Variants in SYNPR observed in about 807,000 individuals in gnomAD.
The protein encoded by SYNPR is synaptoporin.
Under a neutral mutation model 32.9 loss-of-function variants are expected in SYNPR, and 23 were observed. The observed-to-expected ratio is 0.70, with a 90% CI of 0.50 to 0.99. The LOEUF is 0.99. Ranked by LOEUF, SYNPR falls within the 50% of genes least tolerant of loss-of-function variation. The pLI is 0.00. For missense variants in SYNPR, 318 were observed against 349.3 expected (o/e 0.91, Z 0.71); for synonymous variants, 146 against 135.9 (o/e 1.07, Z -0.52).
At chr3:63,240,072 C>T (rs2086229958) in intron 1 of SYNPR, among the ~76,000 whole-genome samples, 1 of 152,138 alleles carries the variant, frequency 6.6e-6, no homozygotes, top group Non-Finnish European at 1.5e-5. Context: ...ATTTGATCTA[C>T]TGCATCCCTT....
the SYNPR span, among the ~76,000 whole-genome samples, chr3:63,206,038 A>G: frequency 2.0e-5 from 3 of 152,180 alleles, no homozygotes; most frequent in African/African-American, 7.2e-5. Flanking sequence ...TCCCCTCTAT[A>G]GAAGACCCTC....
chr3:63,324,430 G>C (rs1266865177), intron 2 of SYNPR, among the ~76,000 whole-genome samples: 1 of 152,108 alleles, frequency 6.6e-6, no homozygotes, highest in Non-Finnish European at 1.5e-5. Flanking sequence ...AAGTTTGTGA[G>C]CTGGGAGGTG....
Position 63,438,157 on chromosome 3 carries a change from C to T in SYNPR, c.85-42675C>T, listed in dbSNP as rs115381505. 9.2e-3 allele frequency among the ~76,000 whole-genome samples: 1,404 copies of T among 152,306 alleles called. 32 individuals carry two copies. The highest frequency in any genetic ancestry group is 0.032 in the African/African-American group (1,334 of 41,562). On this transcript the variant is annotated intron_variant, in intron 2 of 5. Transcript: ENST00000478300. ...TGTGTCTTTGAAGAGCTTAGACTCA[C>T]GGTCTTCAGAAAATATGTCTTGCAC...
chr3:63,442,164 A>AGTGTGTGT (rs34163380), intron 2 of SYNPR, among the ~76,000 whole-genome samples: 18,534 of 148,266 alleles, frequency 0.13, 1,246 homozygotes, highest in Middle Eastern at 0.17. Flanking sequence ...TGGTAGTGAT[A>AGTGTGTGT]GTGTGTGTGT....
At chr3:63,264,587 C>G (rs2056332527) in intron 2 of SYNPR, among the ~76,000 whole-genome samples, 1 of 152,066 alleles carries the variant, frequency 6.6e-6, no homozygotes, top group African/African-American at 2.4e-5. Context: ...TTCAATAGGG[C>G]CTAATATTTT....
chr3:63,612,920 CT>C (rs1187760076), intron 5 of SYNPR, among the ~76,000 whole-genome samples: 5 of 133,188 alleles, frequency 3.8e-5, no homozygotes, highest in Non-Finnish European at 6.5e-5. Context: ...CTCCTCTCTT[CT>C]CTTCTCCTCT....
At chr3:63,467,171 G>A (rs1044078103) in intron 2 of SYNPR, among the ~76,000 whole-genome samples, 3 of 151,950 alleles carry the variant, frequency 2.0e-5, no homozygotes, top group Non-Finnish European at 4.4e-5. Context: ...CCACCCAGCT[G>A]AGCTAACTTA....
At chr3:63,410,927 A>C (rs2887097) in intron 2 of SYNPR, among the ~76,000 whole-genome samples, 70,830 of 151,996 alleles carry the variant, frequency 0.47, 16,628 homozygotes, top group Middle Eastern at 0.6. Context: ...AGGGCAGCAG[A>C]ATTCATCTTG....
intron 4 of SYNPR, among the ~76,000 whole-genome samples, chr3:63,560,810 A>T (rs1051014949): frequency 1.3e-5 from 2 of 152,082 alleles, no homozygotes; most frequent in African/African-American, 4.8e-5. Flanking sequence ...CAGGGGGGGA[A>T]CCACCCCCAT....
chr3:63,481,668 A>G (rs1182291892), intron 3 of SYNPR, among the ~76,000 whole-genome samples: 3 of 152,184 alleles, frequency 2.0e-5, no homozygotes, highest in Non-Finnish European at 4.4e-5. Context: ...GCTCAGAAAT[A>G]TTAAGCACGT....
chr3:63,606,238 G>C (rs1700117094), intron 4 of SYNPR, among the ~76,000 whole-genome samples: 1 of 151,996 alleles, frequency 6.6e-6, no homozygotes, highest in Non-Finnish European at 1.5e-5. Flanking sequence ...GAGAAACTTA[G>C]TTATATTACT....
chr3:63,211,534 G>A, the SYNPR span, among the ~76,000 whole-genome samples: 2 of 152,122 alleles, frequency 1.3e-5, no homozygotes, highest in Non-Finnish European at 2.9e-5. Context: ...TTGTTATAAA[G>A]TTGTTCTCTC....
intron 4 of SYNPR, among the ~76,000 whole-genome samples, chr3:63,607,046 G>A (rs1700133557): frequency 6.6e-6 from 1 of 152,102 alleles, no homozygotes. Context: ...CCAATTGAAA[G>A]GTCTTCACAT....
At chr3:63,543,613 C>T (rs764226512) in intron 3 of SYNPR, among the ~76,000 whole-genome samples, 1 of 152,034 alleles carries the variant, frequency 6.6e-6, no homozygotes, top group Non-Finnish European at 1.5e-5. Flanking sequence ...CCTTCTATGA[C>T]TAGATCAGTG....
At chr3:63,575,922 T>C (rs560873019) in intron 4 of SYNPR, among the ~76,000 whole-genome samples, 1 of 152,336 alleles carries the variant, frequency 6.6e-6, no homozygotes, top group South Asian at 2.1e-4. Flanking sequence ...ACCAACTGTT[T>C]ATAATCTTTA....
At chr3:63,536,281 A>T (rs573413765) in intron 3 of SYNPR, among the ~76,000 whole-genome samples, 2 of 152,292 alleles carry the variant, frequency 1.3e-5, no homozygotes, top group South Asian at 2.1e-4. Flanking sequence ...CAATAAAAAG[A>T]TGACCAGTTT....
intron 2 of SYNPR, among the ~76,000 whole-genome samples, chr3:63,365,126 G>A (rs1194345011): frequency 6.6e-6 from 1 of 152,152 alleles, no homozygotes; most frequent in Non-Finnish European, 1.5e-5. Context: ...ACACATACCA[G>A]CAGAGGGCTG....
chr3:63,583,686 G>A (rs1435280997), intron 4 of SYNPR, among the ~76,000 whole-genome samples: 1 of 152,076 alleles, frequency 6.6e-6, no homozygotes, highest in African/African-American at 2.4e-5. Context: ...GCGGAGATGA[G>A]TTTTTAGGCC....
chr3:63,589,076 A>G (rs1454484841), intron 4 of SYNPR, among the ~76,000 whole-genome samples: 1 of 152,086 alleles, frequency 6.6e-6, no homozygotes, highest in Non-Finnish European at 1.5e-5. Context: ...AGTAAAGAAG[A>G]GTCCAACACT....
Sources: allele counts gnomAD v4.1 joint callset (sites outside exome capture counted in the v4.1 genomes callset), GRCh38; gene constraint gnomAD v4.1.1; transcripts MANE v1.5; gene names NCBI Gene and HGNC (gene_info 2026-07-23, HGNC 2026-07-21).